BCAR1: variants seen among roughly 807,000 people sequenced by gnomAD.
BCAR1 encodes the protein BCAR1 scaffold protein, Cas family member.
In BCAR1, 30 loss-of-function variants were observed where a neutral mutation model predicts 67.6. That is an observed-to-expected ratio of 0.44 (90% CI 0.33 to 0.60). BCAR1 has a LOEUF of 0.60. Among genes scored for constraint, BCAR1 ranks in the 20% least tolerant of loss-of-function variants. The pLI, the probability that BCAR1 is intolerant of heterozygous loss-of-function variation, is 0.02. For missense variants in BCAR1, 1,313 were observed against 1,222.3 expected (o/e 1.07, Z -1.11); for synonymous variants, 626 against 556.7 (o/e 1.12, Z -1.75).
intron 2 of BCAR1, among the ~76,000 whole-genome samples, 155 bp downstream of exon 2, chr16:75,242,314 AC>A (rs1380765577): frequency 6.6e-6 from 1 of 151,688 alleles, no homozygotes; most frequent in African/African-American, 2.4e-5. Flanking sequence ...ACAAATGAAC[AC>A]CCCCCAAACA....
At chr16:75,256,521 G>T (rs552870844), upstream of BCAR1, among the ~76,000 whole-genome samples, 100 of 151,856 alleles carry the variant, frequency 6.6e-4, no homozygotes, top group Middle Eastern at 3.4e-3. Context: ...GGATGGGGGG[G>T]GGTGGGGCCT....
chr16:75,259,817 A>C (rs2077859887), intron 1 of BCAR1, among the ~76,000 whole-genome samples: 1 of 145,088 alleles, frequency 6.9e-6, no homozygotes, highest in Non-Finnish European at 1.5e-5. Context: ...ATGCCACTGC[A>C]CTACAGCTTG....
intron 2 of BCAR1, among the ~76,000 whole-genome samples, chr16:75,240,266 G>A (rs1461007199): frequency 4.6e-5 from 7 of 152,190 alleles, no homozygotes; most frequent in Non-Finnish European, 1.0e-4. Flanking sequence ...CCCTGGAACT[G>A]GGAGACTCAG....
At chr16:75,252,109 G>A (rs1336939207), upstream of BCAR1, 10 of 1,319,476 alleles carry the variant, frequency 7.6e-6, no homozygotes, top group Admixed American at 6.0e-5. Flanking sequence ...GCCTGTAGGA[G>A]ACGAATCATC....
chr16:75,239,051 G>A lies in BCAR1; in HGVS notation c.634-1707C>T, dbSNP rs961527995. 8 of 984,462 alleles carry A rather than the reference G, an allele frequency of 8.1e-6. No individual in the cohort carries two copies. In the Admixed American group the frequency reaches 2.5e-4, roughly 30 times the overall value. The allele number at this position is 984,462 out of a possible 1,614,324, so 61.0% of individuals were successfully genotyped here. A position where few individuals can be genotyped will look rare whatever the true frequency, so the allele number is the denominator to read the frequency against. On this transcript the variant is annotated intron_variant, in intron 2 of 6. Coordinates refer to ENST00000162330, the MANE Select transcript of BCAR1 (RefSeq NM_014567.5). Reference sequence around the variant, plus strand: ...GGCCTGCCTCCCCAGGCAAATGGCCGCCTGCCACTCTTGGAGCTGAGTCGG... The same window carrying A: ...GGCCTGCCTCCCCAGGCAAATGGCCACCTGCCACTCTTGGAGCTGAGTCGG...
chr16:75,252,756 C>G (rs1044188585), upstream of BCAR1, among the ~76,000 whole-genome samples: 8 of 152,236 alleles, frequency 5.3e-5, no homozygotes, highest in African/African-American at 1.9e-4. Flanking sequence ...CCAGGTGGGC[C>G]TGCAGCTGCC....
intron 6 of BCAR1, 54 bp downstream of exon 6, chr16:75,233,792 G>C: frequency 6.5e-7 from 1 of 1,528,258 alleles, no homozygotes; most frequent in South Asian, 1.2e-5. Flanking sequence ...CAAGAGCTGG[G>C]GGCTCAGGGG....
rs16957329 is a variant in BCAR1 at position 75,228,379 on chromosome 16, G to C, written c.*1132C>G. Reference sequence around the variant, plus strand: ...AAACCAAGGCCCATGTTCATATGCAGAACGGTCAGGGCTGGGAGCAGCACC... The same window carrying C: ...AAACCAAGGCCCATGTTCATATGCACAACGGTCAGGGCTGGGAGCAGCACC... On this transcript the variant is annotated 3_prime_UTR_variant, in exon 7 of 7. Transcript: ENST00000162330. The C allele has an allele frequency of 1.3e-5, 2 of 152,262 alleles. No homozygotes were observed. Among genetic ancestry groups the C allele is most frequent in the African/African-American group, 4.8e-5 (2 of 41,542 alleles). The allele number at this position is 152,262 out of a possible 1,614,324, so 9.4% of individuals were successfully genotyped here.
Position 75,228,993 on chromosome 16 carries a change from C to T in BCAR1, c.*518G>A, listed in dbSNP as rs2076797868. On this transcript the variant is annotated 3_prime_UTR_variant, in exon 7 of 7. Transcript: ENST00000162330. ...GGGTGCCTTCCCCAGAACCGTCACC[C>T]ACCCCGGGCTGCTCTCATCTGCCAC... The T allele has an allele frequency of 6.5e-6, 1 of 152,674 alleles. No individual in the cohort carries two copies. The highest frequency in any genetic ancestry group is 2.1e-4 in the South Asian group (1 of 4,840). The allele number at this position is 152,674 out of a possible 1,614,324, so 9.5% of individuals were successfully genotyped here. A position where few individuals can be genotyped will look rare whatever the true frequency, so the allele number is the denominator to read the frequency against.
At position 75,238,795 on chromosome 16, in the gene BCAR1, C is replaced by A. The variant is rs572922168; in HGVS notation, c.634-1451G>T. On this transcript the variant is annotated intron_variant, in intron 2 of 6. Transcript: ENST00000162330. ...CCAGAACTATTTTTAGATGCAGGGA[C>A]CTGCCAACAGCGGGGCAGGCGGGGC... The A allele has an allele frequency of 3.0e-6, 3 of 985,444 alleles. No homozygotes were observed. The African/African-American group carries it at 5.2e-5, about 17-fold the overall frequency. 61.0% of individuals were successfully genotyped at this position (985,444 alleles called of 1,614,324 possible).
intron 1 of BCAR1, among the ~76,000 whole-genome samples, chr16:75,259,903 G>GCC (rs1241936837): frequency 7.0e-6 from 1 of 143,202 alleles, no homozygotes; most frequent in Non-Finnish European, 1.5e-5. Context: ...GAGGAATAAA[G>GCC]CCAGACCTGG....
At position 75,229,394 on chromosome 16, in the gene BCAR1, A is replaced by G; in HGVS notation, c.*117T>C. 2 of 1,375,158 alleles carry G rather than the reference A, an allele frequency of 1.5e-6. No individual in the cohort carries two copies. Among genetic ancestry groups the G allele is most frequent in the Non-Finnish European group, 1.9e-6 (2 of 1,046,410 alleles). The allele number at this position is 1,375,158 out of a possible 1,614,324, so 85.2% of individuals were successfully genotyped here. On this transcript the variant is annotated 3_prime_UTR_variant, in exon 7 of 7. Transcript: ENST00000162330. ...ATTCCTGGGCATCCAGGGCACCAGG[A>G]CCGACGCAGAGCTGGGGTCCTGTCC... is the stretch of plus-strand genomic sequence containing the variant.
intron 1 of BCAR1, chr16:75,266,168 C>T (rs2078006260): frequency 1.3e-5 from 5 of 374,290 alleles, no homozygotes; most frequent in Non-Finnish European, 1.9e-5. Flanking sequence ...GTCGCACCAG[C>T]TCTGGGTCGC....
Position 75,229,206 on chromosome 16 carries a change from T to G in BCAR1, c.*305A>C. On this transcript the variant is annotated 3_prime_UTR_variant, in exon 7 of 7. Transcript: ENST00000162330. ...GTGGGACCAGGCTCAGCCCTCGGGG[T>G]GGCACGAGGTCCTGCAGGCTGCAGG... The G allele has an allele frequency of 3.1e-6, 1 of 326,152 alleles. No individual in the cohort carries two copies. Among genetic ancestry groups the G allele is most frequent in the Non-Finnish European group, 5.6e-6 (1 of 179,172 alleles). The allele number at this position is 326,152 out of a possible 1,614,324, so 20.2% of individuals were successfully genotyped here.
At chr16:75,244,925 T>C (rs191378331) in intron 1 of BCAR1, among the ~76,000 whole-genome samples, 5 of 152,222 alleles carry the variant, frequency 3.3e-5, no homozygotes, top group African/African-American at 1.2e-4. Context: ...ACCAGAGATG[T>C]CTGAGACAAT....
chr16:75,265,847 GC>G (rs1056243678), intron 1 of BCAR1: 33 of 1,177,386 alleles, frequency 2.8e-5, no homozygotes, highest in East Asian at 3.7e-5. Flanking sequence ...CTTGGCCGCC[GC>G]CCCCGGGGCC....
intron 1 of BCAR1, among the ~76,000 whole-genome samples, chr16:75,260,437 C>A (rs1487230314): frequency 6.6e-6 from 1 of 152,028 alleles, no homozygotes; most frequent in Non-Finnish European, 1.5e-5. Flanking sequence ...CGTTCGAGAC[C>A]AGCCTGGCCA....
intron 4 of BCAR1, 138 bp from the exon 5 acceptor site, chr16:75,236,124 G>A (rs2077124966): frequency 1.6e-5 from 18 of 1,127,552 alleles, no homozygotes; most frequent in East Asian, 2.6e-5. Context: ...ACACACACAG[G>A]CACACATACA....
At position 75,237,223 on chromosome 16, in the gene BCAR1, G is replaced by T; in HGVS notation, c.755C>A (p.Pro252His). 3 of 1,567,204 alleles carry T rather than the reference G, an allele frequency of 1.9e-6. No homozygotes were observed. The highest frequency in any genetic ancestry group is 2.6e-6 in the Non-Finnish European group (3 of 1,158,718). Reference protein sequence around the residue: ...APGPQDIYDVPPVRGLLPSQY... With the variant: ...APGPQDIYDVHPVRGLLPSQY... ...GCTGGGAAGCAGCCCCCGAACCGGG[G>T]GCACATCATAGATGTCCTGTGGCCC... The change falls in exon 3 of 7, where the codon CCC becomes CAC. Residue 252 changes from proline (P) to histidine (H), a missense_variant. Around this residue, in one of 2 missense-constraint regions of BCAR1, gnomAD observed 1,272 missense variants for 1,137.5 expected, o/e 1.12. Coordinates refer to ENST00000162330, the MANE Select transcript of BCAR1 (RefSeq NM_014567.5).
Sources: gnomAD v4.1 joint callset for allele counts (sites outside exome capture counted in the v4.1 genomes callset) on GRCh38, gnomAD v4.1.1 for gene constraint, gnomAD v4.1.1 regional missense constraint, MANE v1.5 for transcripts, NCBI Gene and HGNC (gene_info 2026-07-23, HGNC 2026-07-21) for gene names.